Variants in TEAD1 observed in about 807,000 individuals in gnomAD.
TEAD1 encodes TEA domain transcription factor 1, also known as transcriptional enhancer factor TEF-1.
In TEAD1, 9 loss-of-function variants were observed where a neutral mutation model predicts 54.9. The observed-to-expected ratio is 0.16, with a 90% CI of 0.10 to 0.29. The LOEUF is 0.29. Among genes scored for constraint, TEAD1 ranks in the 10% least tolerant of loss-of-function variants. TEAD1 has a pLI of 1.00. For synonymous variants in TEAD1, 200 were observed against 187.8 expected (o/e 1.07, Z -0.53); for missense variants, 387 against 535.9 (o/e 0.72, Z 2.74).
intron 2 of TEAD1, among the ~76,000 whole-genome samples, chr11:12,726,801 G>A (rs1262954913): frequency 6.6e-6 from 1 of 152,128 alleles, no homozygotes; most frequent in Non-Finnish European, 1.5e-5. Flanking sequence ...TTGCTCCGCT[G>A]CATTACAGCC....
At chr11:12,747,771 A>G (rs1028260451) in intron 2 of TEAD1, among the ~76,000 whole-genome samples, 1 of 152,216 alleles carries the variant, frequency 6.6e-6, no homozygotes, top group East Asian at 1.9e-4. Context: ...TAATACTTTC[A>G]TGGATCATCT....
At chr11:12,752,966 G>C (rs1944906386) in intron 2 of TEAD1, among the ~76,000 whole-genome samples, 1 of 151,678 alleles carries the variant, frequency 6.6e-6, no homozygotes, top group South Asian at 2.1e-4. Context: ...CAGCCTCTGG[G>C]GTAGCTGGGA....
rs1554943317 is a variant in TEAD1 at position 12,862,330 on chromosome 11, T to A, written c.267+16T>A. The A allele has an allele frequency of 1.2e-6, 2 of 1,612,836 alleles. No homozygotes were observed. The highest frequency in any genetic ancestry group is 1.7e-6 in the Non-Finnish European group (2 of 1,178,954). On this transcript the variant is annotated intron_variant, in intron 4 of 12. Coordinates refer to ENST00000527636, the MANE Select transcript of TEAD1 (RefSeq NM_021961.6). ...CAGAAAACAGGTAAAATAACCCACC[T>A]GGAAATTGTGCATGTCAGCGAATGG...
Position 12,878,779 on chromosome 11 carries a change from A to G in TEAD1, c.331-929A>G, listed in dbSNP as rs908576865. ...CCAAGTATTATATGTTTGTGTACAT[A>G]TATACATATGTATATATACACATAT... is the stretch of plus-strand genomic sequence containing the variant. On this transcript the variant is annotated intron_variant, in intron 5 of 12. Coordinates refer to ENST00000527636, the MANE Select transcript of TEAD1 (RefSeq NM_021961.6). 8.5e-6 allele frequency: 5 copies of G among 586,648 alleles called. No individual in the cohort carries two copies. In the East Asian group the frequency reaches 2.1e-4, roughly 25 times the overall value. The allele number at this position is 586,648 out of a possible 1,614,324, so 36.3% of individuals were successfully genotyped here.
At chr11:12,895,020 G>A (rs1948282746) in intron 9 of TEAD1, among the ~76,000 whole-genome samples, 1 of 152,116 alleles carries the variant, frequency 6.6e-6, no homozygotes, top group Non-Finnish European at 1.5e-5. Context: ...ACTTGCCCTG[G>A]ATGACTCAGT....
At chr11:12,764,584 T>G in intron 3 of TEAD1, 150 bp downstream of exon 3, 2 of 934,826 alleles carry the variant, frequency 2.1e-6, no homozygotes, top group Non-Finnish European at 3.3e-6. Flanking sequence ...GGACTCACCC[T>G]AAACTAAAAA....
intron 3 of TEAD1, among the ~76,000 whole-genome samples, chr11:12,844,959 CTTTT>C (rs3046338): frequency 9.3e-5 from 6 of 64,658 alleles, no homozygotes; most frequent in African/African-American, 1.9e-4. Context: ...TGTATGAAAT[CTTTT>C]TTTTTTTTTT....
chr11:12,871,106 A>C (rs1303727121), intron 5 of TEAD1, among the ~76,000 whole-genome samples: 1 of 152,182 alleles, frequency 6.6e-6, no homozygotes, highest in Non-Finnish European at 1.5e-5. Context: ...TCTAAAGTAG[A>C]AGATGAATCC....
chr11:12,700,900 G>A (rs547692487), intron 2 of TEAD1, among the ~76,000 whole-genome samples: 1 of 152,336 alleles, frequency 6.6e-6, no homozygotes, highest in South Asian at 2.1e-4. Flanking sequence ...TCGCTCCACT[G>A]CAGATTTTGT....
At chr11:12,785,027 C>G (rs145126702) in intron 3 of TEAD1, among the ~76,000 whole-genome samples, 19 of 152,270 alleles carry the variant, frequency 1.2e-4, no homozygotes, top group African/African-American at 4.1e-4. Flanking sequence ...CATGACCTGC[C>G]AGATGCAGCA....
chr11:12,884,054 A>G (rs528075478), intron 9 of TEAD1, among the ~76,000 whole-genome samples: 1 of 151,728 alleles, frequency 6.6e-6, no homozygotes, highest in East Asian at 1.9e-4. Context: ...CATAGAGTGC[A>G]GTGCATTATA....
intron 2 of TEAD1, among the ~76,000 whole-genome samples, chr11:12,744,490 T>G (rs1944707803): frequency 6.6e-6 from 1 of 152,196 alleles, no homozygotes; most frequent in South Asian, 2.1e-4. Flanking sequence ...CTGTGAAATG[T>G]TAGGTGGGCA....
intron 3 of TEAD1, among the ~76,000 whole-genome samples, chr11:12,817,079 C>T (rs542890852): frequency 6.6e-6 from 1 of 152,344 alleles, no homozygotes; most frequent in South Asian, 2.1e-4. Flanking sequence ...TCGCGCAGGG[C>T]ACTCCTTGGG....
chr11:12,725,513 A>G (rs189788621), intron 2 of TEAD1, among the ~76,000 whole-genome samples: 12 of 152,338 alleles, frequency 7.9e-5, no homozygotes, highest in Admixed American at 6.5e-4. Flanking sequence ...GCTCAGTGTG[A>G]TGGATACCTT....
intron 2 of TEAD1, among the ~76,000 whole-genome samples, chr11:12,763,300 T>C (rs1016100305): frequency 1.3e-5 from 2 of 152,242 alleles, no homozygotes; most frequent in South Asian, 4.1e-4. Context: ...ACAGTTTTCA[T>C]GTGATCAGGA....
chr11:12,792,777 T>C (rs73423682), intron 3 of TEAD1, among the ~76,000 whole-genome samples: 5,193 of 152,262 alleles, frequency 0.034, 315 homozygotes, highest in African/African-American at 0.12. Flanking sequence ...CAAAATGAGC[T>C]GGGCATGGTG....
At chr11:12,676,043 T>A (rs1225907554) in intron 2 of TEAD1, among the ~76,000 whole-genome samples, 2 of 152,138 alleles carry the variant, frequency 1.3e-5, no homozygotes, top group Non-Finnish European at 2.9e-5. Context: ...TAGAGACAGA[T>A]GATGTTCCAG....
At chr11:12,894,448 C>A (rs1169000444) in intron 9 of TEAD1, among the ~76,000 whole-genome samples, 1 of 151,958 alleles carries the variant, frequency 6.6e-6, no homozygotes, top group Non-Finnish European at 1.5e-5. Flanking sequence ...AGAAAAAAGC[C>A]CCAGTGACCA....
At chr11:12,896,260 G>GTCC (rs1158785021) in intron 9 of TEAD1, among the ~76,000 whole-genome samples, 5 of 152,252 alleles carry the variant, frequency 3.3e-5, no homozygotes, top group Middle Eastern at 3.4e-3. Context: ...TATAAATCAG[G>GTCC]TCCGCTCTCT....
Sources: allele counts gnomAD v4.1 joint callset (sites outside exome capture counted in the v4.1 genomes callset), GRCh38; gene constraint gnomAD v4.1.1; transcripts MANE v1.5; gene names NCBI Gene and HGNC (gene_info 2026-07-23, HGNC 2026-07-21).